Variants in ADAMTSL1 observed in about 807,000 individuals in gnomAD.
ADAMTSL1 encodes the protein ADAMTS-like protein 1.
A neutral mutation model predicts 201.8 loss-of-function variants in ADAMTSL1; 126 were observed. That is an observed-to-expected ratio of 0.62 (90% confidence interval 0.54 to 0.72). ADAMTSL1 has a LOEUF of 0.72. Among genes scored for constraint, ADAMTSL1 ranks in the 30% least tolerant of loss-of-function variants. The probability of loss-of-function intolerance (pLI) is 0.00; values close to 1 mark genes in which losing one functional copy is unlikely to be tolerated. For synonymous variants in ADAMTSL1, 1,121 were observed against 903.4 expected, an observed-to-expected ratio of 1.24 and a Z score of -4.32; for missense variants, 2,679 against 2,277.8, an observed-to-expected ratio of 1.18 and a Z score of -3.59.
chr9:18,737,224 C>G (rs1818553320), intron 15 of ADAMTSL1, among the ~76,000 whole-genome samples: 1 of 145,800 alleles, frequency 6.9e-6, no homozygotes, highest in Non-Finnish European at 1.5e-5. Flanking sequence ...GAGGCTGAGG[C>G]AGGAGAACCA....
chr9:18,851,683 C>T (rs1343302442), intron 23 of ADAMTSL1, among the ~76,000 whole-genome samples: 1 of 152,108 alleles, frequency 6.6e-6, no homozygotes, highest in Non-Finnish European at 1.5e-5. Flanking sequence ...CTGATTCTTC[C>T]CTTGGGGTGG....
chr9:18,412,801 C>G (rs971140469), intron 2 of ADAMTSL1, among the ~76,000 whole-genome samples: 1 of 152,168 alleles, frequency 6.6e-6, no homozygotes. Context: ...TCTGGAACAA[C>G]AAGATGTTCC....
At chr9:18,048,310 T>A (rs1180759014) in intron 1 of ADAMTSL1, among the ~76,000 whole-genome samples, 1 of 152,242 alleles carries the variant, frequency 6.6e-6, no homozygotes, top group East Asian at 1.9e-4. Flanking sequence ...GTGAATTATA[T>A]TGCTTCATCT....
At chr9:18,042,490 A>C (rs893665618) in intron 1 of ADAMTSL1, among the ~76,000 whole-genome samples, 7 of 152,124 alleles carry the variant, frequency 4.6e-5, no homozygotes, top group Admixed American at 6.6e-5. Context: ...GGGGTTGAGA[A>C]GTCAAGTAAC....
At chr9:18,061,165 A>G (rs1400851172) in intron 1 of ADAMTSL1, among the ~76,000 whole-genome samples, 2 of 152,216 alleles carry the variant, frequency 1.3e-5, no homozygotes, top group African/African-American at 4.8e-5. Flanking sequence ...TATTATCAGA[A>G]TGTCTTGATC....
At chr9:18,133,892 T>C (rs549464268) in intron 1 of ADAMTSL1, among the ~76,000 whole-genome samples, 4 of 152,320 alleles carry the variant, frequency 2.6e-5, no homozygotes, top group African/African-American at 9.6e-5. Flanking sequence ...CATGATACAA[T>C]ATTACATCTC....
At chr9:18,252,708 G>A (rs1831511734) in intron 2 of ADAMTSL1, among the ~76,000 whole-genome samples, 1 of 152,056 alleles carries the variant, frequency 6.6e-6, no homozygotes, top group African/African-American at 2.4e-5. Flanking sequence ...GTATTTTAAA[G>A]CCCATCATAC....
chr9:18,736,846 C>G (rs1818524393), intron 15 of ADAMTSL1, among the ~76,000 whole-genome samples: 1 of 152,160 alleles, frequency 6.6e-6, no homozygotes, highest in Admixed American at 6.5e-5. Context: ...AAATGGAAGC[C>G]TACCCCAACA....
At chr9:18,638,687 A>C (rs1189923700) in intron 6 of ADAMTSL1, among the ~76,000 whole-genome samples, 1 of 152,182 alleles carries the variant, frequency 6.6e-6, no homozygotes, top group Non-Finnish European at 1.5e-5. Context: ...AATGGATTTT[A>C]AAAAGAAAAT....
intron 1 of ADAMTSL1, among the ~76,000 whole-genome samples, chr9:17,951,274 A>G (rs1429819143): frequency 1.3e-5 from 2 of 152,174 alleles, no homozygotes; most frequent in African/African-American, 2.4e-5. Context: ...GCTGCTGTAG[A>G]CAATGCTTCA....
At chr9:18,498,391 C>T (rs1000915638) in intron 1 of ADAMTSL1, among the ~76,000 whole-genome samples, 3 of 144,734 alleles carry the variant, frequency 2.1e-5, no homozygotes, top group African/African-American at 7.7e-5. Context: ...GGCTGGAGTG[C>T]ATTGGCCCGA....
At chr9:18,357,114 G>T (rs960230004) in intron 2 of ADAMTSL1, among the ~76,000 whole-genome samples, 1 of 151,958 alleles carries the variant, frequency 6.6e-6, no homozygotes, top group African/African-American at 2.4e-5. Flanking sequence ...TTTCAAATTT[G>T]CAAAAGTTAT....
chr9:18,857,941 T>C (rs1408587407), intron 23 of ADAMTSL1, among the ~76,000 whole-genome samples: 1 of 152,204 alleles, frequency 6.6e-6, no homozygotes, highest in Non-Finnish European at 1.5e-5. Context: ...TCTAGGTTCA[T>C]CTTGAACTTT....
chr9:18,362,144 G>T (rs557768828), intron 2 of ADAMTSL1: 1 of 152,184 alleles, frequency 6.6e-6, no homozygotes, highest in East Asian at 1.9e-4. Flanking sequence ...TCTGACACCA[G>T]TGGGCACATA....
At chr9:18,268,297 C>G (rs1312188308) in intron 2 of ADAMTSL1, among the ~76,000 whole-genome samples, 1 of 152,110 alleles carries the variant, frequency 6.6e-6, no homozygotes, top group Admixed American at 6.6e-5. Flanking sequence ...AAAATAACCC[C>G]CTTTTGGGGC....
chr9:17,962,929 A>G (rs1563921654), intron 1 of ADAMTSL1, among the ~76,000 whole-genome samples: 2 of 152,228 alleles, frequency 1.3e-5, no homozygotes. Flanking sequence ...AGGGAGCCAC[A>G]TCAGTTGAAA....
At chr9:18,859,069 T>C (rs1447463128) in intron 23 of ADAMTSL1, among the ~76,000 whole-genome samples, 6 of 152,162 alleles carry the variant, frequency 3.9e-5, no homozygotes, top group African/African-American at 1.4e-4. Context: ...GATGAAAAAG[T>C]TTGTGAAATC....
chr9:18,874,944 C>G (rs1163349762), intron 23 of ADAMTSL1, among the ~76,000 whole-genome samples: 3 of 152,006 alleles, frequency 2.0e-5, no homozygotes, highest in Non-Finnish European at 2.9e-5. Context: ...AGTCTCACTG[C>G]TTGTTATTGA....
intron 1 of ADAMTSL1, among the ~76,000 whole-genome samples, chr9:17,959,173 C>G (rs921760105): frequency 6.6e-6 from 1 of 152,110 alleles, no homozygotes; most frequent in Admixed American, 6.6e-5. Flanking sequence ...CTTAAATGCT[C>G]AAAGACGGCA....
Sources: gnomAD v4.1 joint callset for allele counts (sites outside exome capture counted in the v4.1 genomes callset) on GRCh38, gnomAD v4.1.1 for gene constraint, MANE v1.5 for transcripts, NCBI Gene and HGNC (gene_info 2026-07-23, HGNC 2026-07-21) for gene names.